The following LHCGR variants were observed in gnomAD, a reference collection of about 807,000 sequenced individuals.
LHCGR encodes lutropin-choriogonadotropic hormone receptor.
LHCGR carries 55 observed loss-of-function variants against 60.7 expected under a neutral mutation model. The ratio of observed to expected loss-of-function variants is 0.91; its 90% confidence interval spans 0.73 to 1.13. LHCGR has a LOEUF of 1.13. Among genes scored for constraint, LHCGR ranks in the 50% most tolerant of loss-of-function variants. The probability of loss-of-function intolerance (pLI) is 0.00; values close to 1 mark genes in which losing one functional copy is unlikely to be tolerated. For synonymous variants in LHCGR, 337 were observed against 316.5 expected (o/e 1.06, Z -0.69); for missense variants, 862 against 836.0 (o/e 1.03, Z -0.38).
At position 48,688,011 on chromosome 2, in the gene LHCGR, C is replaced by T; in HGVS notation, c.1786G>A (p.Val596Ile). 1.1e-5 allele frequency: 17 copies of T among 1,614,132 alleles called. No homozygotes were observed. Among genetic ancestry groups the T allele is most frequent in the Non-Finnish European group, 1.4e-5 (16 of 1,180,014 alleles). Residue 596 changes from valine (V) to isoleucine (I), a missense_variant, in exon 11 of 11, where the codon GTA becomes ATA. Transcript: ENST00000294954. The surrounding 1 kb of genome is among the most constrained non-coding windows in gnomAD (Gnocchi z 5.2). Reference sequence around the variant, plus strand: ...GAGTTGGTTACTGTGATAAGAGGTACTTTGAAGGCAGCTGAGATGGCAAAA... The same window carrying T: ...GAGTTGGTTACTGTGATAAGAGGTATTTTGAAGGCAGCTGAGATGGCAAAA... ...SFFAISAAFK[V>I]PLITVTNSKV...
intron 1 of LHCGR, chr2:48,732,990 A>T (rs950553858): frequency 3.9e-6 from 2 of 510,392 alleles, no homozygotes; most frequent in African/African-American, 1.9e-5. Context: ...TTGTGATGGC[A>T]TATTTGCTTC....
At chr2:48,748,204 G>T (rs1426860491) in intron 1 of LHCGR, among the ~76,000 whole-genome samples, 1 of 152,138 alleles carries the variant, frequency 6.6e-6, no homozygotes, top group African/African-American at 2.4e-5. Flanking sequence ...TTCTACATCT[G>T]GAAGACTATA....
intron 9 of LHCGR, 41 bp downstream of exon 9, chr2:48,698,574 G>C: frequency 1.3e-6 from 2 of 1,539,962 alleles, no homozygotes; most frequent in Non-Finnish European, 1.8e-6. Flanking sequence ...CTGAATTTCT[G>C]CCACAGCTTG....
rs767343825 is a variant in LHCGR, at chr2:48,688,074, T to C, written c.1723A>G (p.Ile575Val). The change falls in exon 11 of 11, where the codon ATC (isoleucine) becomes GTC (valine). Residue 575 changes from isoleucine to valine, a missense_variant. Coordinates refer to ENST00000294954, the MANE Select transcript of LHCGR (RefSeq NM_000233.4). The surrounding 1 kb of genome is among the most constrained non-coding windows in gnomAD (Gnocchi z 5.2). ...TKIAKKMAIL[I>V]FTDFTCMAPI... ...GCCATGCAGGTGAAATCGGTGAAGA[T>C]GAGGATTGCCATTTTCTTAGCAATC... The C allele has an allele frequency of 1.2e-6, 2 of 1,614,054 alleles. No homozygotes were observed. The highest frequency in any genetic ancestry group is 1.7e-6 in the Non-Finnish European group (2 of 1,180,034).
In LHCGR at chr2:48,748,056, C is replaced by G. The variant is rs143787202; in HGVS notation, c.161+7455G>C. ...AAACACTCAGAGGAAGTTCAAATGA[C>G]ACTTCCTCTGAGGCCTCTTTGTTAC... On this transcript the variant is annotated intron_variant, in intron 1 of 10. Coordinates refer to ENST00000294954, the MANE Select transcript of LHCGR (RefSeq NM_000233.4). 1.1e-3 allele frequency among the ~76,000 whole-genome samples: 161 copies of G among 152,256 alleles called. 1 individual carries two copies. Among genetic ancestry groups the G allele is most frequent in the African/African-American group, 3.5e-3 (147 of 41,544 alleles).
chr2:48,749,418 T>G (rs954611866), intron 1 of LHCGR, among the ~76,000 whole-genome samples: 4 of 152,206 alleles, frequency 2.6e-5, no homozygotes, highest in Admixed American at 2.6e-4. Context: ...GGGGAGCTGC[T>G]GGAACAAAGC....
intron 7 of LHCGR, among the ~76,000 whole-genome samples, chr2:48,711,914 A>G (rs1041121232): frequency 4.6e-5 from 7 of 152,026 alleles, no homozygotes; most frequent in African/African-American, 1.2e-4. Context: ...AGAACTTTCA[A>G]TGGCTTCTCA....
chr2:48,729,209 A>G lies in LHCGR; in HGVS notation c.252T>C (p.Asp84=), dbSNP rs760722768. Reference sequence around the variant, plus strand: ...CATTAGCTTCTATCCTTTCCAGGGAATCAATCTGAGAGATTTCACTAGGGA... The same window carrying G: ...CATTAGCTTCTATCCTTTCCAGGGAGTCAATCTGAGAGATTTCACTAGGGA... ...EVIKIEISQI[D]SLERIEANAF... The change falls in exon 3 of 11, where the codon GAT becomes GAC. Residue 84 remains aspartate (D), a synonymous_variant. Coordinates refer to ENST00000294954, the MANE Select transcript of LHCGR (RefSeq NM_000233.4). 1.9e-6 allele frequency: 3 copies of G among 1,610,432 alleles called. No individual in the cohort carries two copies. In the East Asian group the frequency reaches 6.7e-5, roughly 36 times the overall value.
At chr2:48,703,417 A>G (rs1323848624) in intron 8 of LHCGR, among the ~76,000 whole-genome samples, 1 of 152,192 alleles carries the variant, frequency 6.6e-6, no homozygotes, top group African/African-American at 2.4e-5. Flanking sequence ...TCTTACATTT[A>G]AGTCTTTAAT....
chr2:48,712,821 G>T (rs186951492), intron 7 of LHCGR, among the ~76,000 whole-genome samples: 175 of 152,184 alleles, frequency 1.1e-3, no homozygotes, highest in African/African-American at 3.9e-3. Context: ...GGCTTAGATC[G>T]GTTAAGTAAC....
intron 1 of LHCGR, among the ~76,000 whole-genome samples, chr2:48,733,525 G>C (rs1669094828): frequency 6.6e-6 from 1 of 152,200 alleles, no homozygotes; most frequent in African/African-American, 2.4e-5. Context: ...CTGCAGAGCA[G>C]GAAAGGCAGC....
intron 1 of LHCGR, among the ~76,000 whole-genome samples, chr2:48,736,095 T>C (rs1488530864): frequency 6.6e-6 from 1 of 152,196 alleles, no homozygotes; most frequent in Non-Finnish European, 1.5e-5. Flanking sequence ...CTAGCCATGC[T>C]TCCTGTACAG....
Position 48,687,466 on chromosome 2 carries a change from A to C in LHCGR, c.*231T>G, listed in dbSNP as rs1679949871. 2.3e-6 allele frequency: 1 copy of C among 437,974 alleles called. No individual in the cohort carries two copies. The highest frequency in any genetic ancestry group is 3.8e-5 in the Admixed American group (1 of 26,278). The allele number at this position is 437,974 out of a possible 1,614,324, so 27.1% of individuals were successfully genotyped here. ...ATTACTGTGTCAAAATTTCTATAAAAATTTCTAAACACTCTCAACTTCAGT... is the reference window on the plus strand; with the variant it reads ...ATTACTGTGTCAAAATTTCTATAAACATTTCTAAACACTCTCAACTTCAGT... On this transcript the variant is annotated 3_prime_UTR_variant, in exon 11 of 11. Coordinates refer to ENST00000294954, the MANE Select transcript of LHCGR (RefSeq NM_000233.4).
At position 48,687,376 on chromosome 2, in the gene LHCGR, T is replaced by C. The variant is rs1314715932; in HGVS notation, c.*321A>G. 3.4e-6 allele frequency: 1 copy of C among 292,900 alleles called. No individual in the cohort carries two copies. Among genetic ancestry groups the C allele is most frequent in the African/African-American group, 2.2e-5 (1 of 45,572 alleles). 18.1% of individuals were successfully genotyped at this position (292,900 alleles called of 1,614,324 possible). A position where few individuals can be genotyped will look rare whatever the true frequency, so the allele number is the denominator to read the frequency against. On this transcript the variant is annotated 3_prime_UTR_variant, in exon 11 of 11. Transcript: ENST00000294954. ...TATTTTTATAGAATGCAATACAAAT[T>C]ACGAAAATGAAAAAAAAGATATGCA...
chr2:48,715,609 T>A (rs72807938), intron 6 of LHCGR, among the ~76,000 whole-genome samples: 10,739 of 152,172 alleles, frequency 0.071, 528 homozygotes, highest in Non-Finnish European at 0.11. Context: ...CTCTCTAGTC[T>A]TTGTTAAACA....
Position 48,688,250 on chromosome 2 carries a change from G to A in LHCGR, c.1547C>T (p.Pro516Leu). The change falls in exon 11 of 11, where the codon CCC becomes CTC. Residue 516 changes from proline (P) to leucine (L), a missense_variant. By Grantham distance (98) the Pro-to-Leu change is moderately conservative. Coordinates refer to ENST00000294954, the MANE Select transcript of LHCGR (RefSeq NM_000233.4). This position sits in a 1 kb window ranked among gnomAD's most constrained non-coding sequence, Gnocchi z 5.2. ...TGAGAGAGTGGTTTCCACATCCATG[G>A]GGAAGCAAATACTGACCTTCATGTA... ...SNYMKVSICF[P>L]MDVETTLSQV... 6.2e-7 allele frequency: 1 copy of A among 1,614,054 alleles called. No homozygotes were observed. The highest frequency in any genetic ancestry group is 8.5e-7 in the Non-Finnish European group (1 of 1,179,954).
At chr2:48,719,525 T>G (rs1668412708) in intron 6 of LHCGR, among the ~76,000 whole-genome samples, 1 of 152,206 alleles carries the variant, frequency 6.6e-6, no homozygotes, top group Non-Finnish European at 1.5e-5. Context: ...GTGTGACCAA[T>G]CACCTAGAAT....
chr2:48,724,886 A>G (rs1438442379), intron 4 of LHCGR, among the ~76,000 whole-genome samples: 8 of 152,078 alleles, frequency 5.3e-5, no homozygotes, highest in Admixed American at 5.2e-4. Context: ...TACCAGAGAG[A>G]TGTCCCTTCT....
intron 1 of LHCGR, among the ~76,000 whole-genome samples, chr2:48,745,269 A>C (rs1669645068): frequency 6.6e-6 from 1 of 152,226 alleles, no homozygotes. Context: ...TAGTTCAACC[A>C]TTGTGGAAGT....
Sources: allele counts gnomAD v4.1 joint callset (sites outside exome capture counted in the v4.1 genomes callset), GRCh38; gene constraint gnomAD v4.1.1; non-coding constraint Gnocchi (gnomAD v3.1); transcripts MANE v1.5; gene names NCBI Gene and HGNC (gene_info 2026-07-23, HGNC 2026-07-21).